The following WDR7 variants were observed in gnomAD, a reference collection of about 807,000 sequenced individuals.
The protein encoded by WDR7 is WD repeat domain 7, also known as WD repeat-containing protein 7.
WDR7 carries 46 observed loss-of-function variants against 169.4 expected under a neutral mutation model. That is an observed-to-expected ratio of 0.27 (90% CI 0.21 to 0.35). The LOEUF (loss-of-function observed/expected upper bound fraction) is 0.35, where lower values mean the gene tolerates loss of function less well. WDR7 is among the 10% of genes least tolerant of loss of function. The pLI is 1.00. For synonymous variants in WDR7, 612 were observed against 666.8 expected (o/e 0.92, Z 1.27); for missense variants, 1,534 against 1,859.3 (o/e 0.83, Z 3.22).
intron 1 of WDR7, among the ~76,000 whole-genome samples, chr18:56,668,612 C>A (rs993994854): frequency 1.3e-5 from 2 of 152,140 alleles, no homozygotes; most frequent in Admixed American, 6.5e-5. Context: ...AAAATGTATA[C>A]TAATTATTAG....
chr18:56,834,413 CT>C (rs2145297587), intron 20 of WDR7, among the ~76,000 whole-genome samples: 1 of 152,240 alleles, frequency 6.6e-6, no homozygotes, highest in African/African-American at 2.4e-5. Flanking sequence ...ACATACACAC[CT>C]ATCCAGTTGT....
At chr18:57,024,865 T>A (rs1180333764) in intron 27 of WDR7, among the ~76,000 whole-genome samples, 1 of 96,508 alleles carries the variant, frequency 1.0e-5, no homozygotes, top group African/African-American at 5.5e-5. Flanking sequence ...GGATTTCACA[T>A]ATCCCTATTC....
At chr18:56,894,653 A>G (rs1253705375) in intron 21 of WDR7, among the ~76,000 whole-genome samples, 1 of 152,048 alleles carries the variant, frequency 6.6e-6, no homozygotes, top group East Asian at 1.9e-4. Context: ...TTACCTATTT[A>G]CAGTAGTTAT....
intron 6 of WDR7, among the ~76,000 whole-genome samples, chr18:56,686,406 A>C (rs1433733313): frequency 6.6e-6 from 1 of 152,136 alleles, no homozygotes; most frequent in Admixed American, 6.6e-5. Flanking sequence ...CATCTATTTC[A>C]GTTCTTTGGG....
intron 26 of WDR7, among the ~76,000 whole-genome samples, chr18:56,992,032 A>G (rs979973616): frequency 6.6e-6 from 1 of 152,242 alleles, no homozygotes; most frequent in Non-Finnish European, 1.5e-5. Flanking sequence ...CTCAGTGTAA[A>G]ATAACCTCAA....
chr18:56,984,586 T>G (rs2047687836), intron 26 of WDR7, among the ~76,000 whole-genome samples: 1 of 152,202 alleles, frequency 6.6e-6, no homozygotes, highest in African/African-American at 2.4e-5. Context: ...TGGTTAAACT[T>G]TGATTTTAAT....
At chr18:56,898,951 G>A (rs2046366292) in intron 21 of WDR7, among the ~76,000 whole-genome samples, 1 of 152,096 alleles carries the variant, frequency 6.6e-6, no homozygotes. Context: ...AAGTTTTCTG[G>A]AAGCCAAAAA....
intron 21 of WDR7, among the ~76,000 whole-genome samples, chr18:56,920,633 A>G (rs557992225): frequency 9.1e-4 from 138 of 152,332 alleles, no homozygotes; most frequent in Admixed American, 3.5e-3. Context: ...GCTCAATGGT[A>G]GCATCATTCC....
chr18:56,799,335 A>C (rs898605728), intron 19 of WDR7, among the ~76,000 whole-genome samples: 1 of 152,188 alleles, frequency 6.6e-6, no homozygotes, highest in African/African-American at 2.4e-5. Context: ...AATATATGTA[A>C]ATAAAAAGGA....
intron 21 of WDR7, among the ~76,000 whole-genome samples, chr18:56,901,888 A>C (rs1253090405): frequency 6.6e-6 from 1 of 152,022 alleles, no homozygotes; most frequent in Non-Finnish European, 1.5e-5. Context: ...GCATTCTGGG[A>C]GTAAAGAAAG....
At chr18:56,974,035 T>C (rs2047529372) in intron 26 of WDR7, among the ~76,000 whole-genome samples, 1 of 152,228 alleles carries the variant, frequency 6.6e-6, no homozygotes, top group Non-Finnish European at 1.5e-5. Context: ...TGGTCCATTG[T>C]TGTAGTTCTG....
chr18:56,746,222 A>G (rs1222438322), intron 14 of WDR7, among the ~76,000 whole-genome samples: 1 of 152,168 alleles, frequency 6.6e-6, no homozygotes, highest in Non-Finnish European at 1.5e-5. Flanking sequence ...TAAAATATCC[A>G]AAGATCTGTT....
chr18:56,686,723 G>A (rs1436603107), intron 6 of WDR7, 132 bp from the exon 7 acceptor site: 10 of 722,874 alleles, frequency 1.4e-5, no homozygotes, highest in East Asian at 2.8e-5. Context: ...CTACCGTGGC[G>A]CTTACCTGAG....
intron 21 of WDR7, among the ~76,000 whole-genome samples, chr18:56,918,799 T>TA (rs1002006313): frequency 1.3e-5 from 2 of 152,236 alleles, no homozygotes; most frequent in Non-Finnish European, 2.9e-5. Flanking sequence ...GCACATATGG[T>TA]ATAAAGTAAT....
intron 20 of WDR7, among the ~76,000 whole-genome samples, chr18:56,831,718 C>T (rs1394917449): frequency 6.6e-6 from 1 of 152,036 alleles, no homozygotes; most frequent in Non-Finnish European, 1.5e-5. Context: ...TCGTCTCACC[C>T]AGGAAACACA....
At position 56,918,442 on chromosome 18, in the gene WDR7, G is replaced by A. The variant is rs546374812; in HGVS notation, c.3527-5480G>A. Among the ~76,000 whole-genome samples the A allele has an allele frequency of 5.9e-5, 9 of 152,116 alleles. No individual in the cohort carries two copies. In the South Asian group the frequency reaches 1.9e-3, roughly 32 times the overall value. ...AATGGCAATGATTTCTAGTCTTTTG[G>A]ATATCATAGACTAGTAAAATTTCTA... On this transcript the variant is annotated intron_variant, in intron 21 of 27. Transcript: ENST00000254442.
chr18:56,872,525 A>T (rs2045967221), intron 20 of WDR7: 1 of 152,216 alleles, frequency 6.6e-6, no homozygotes, highest in African/African-American at 2.4e-5. Context: ...ACACTCTGTC[A>T]AGTAAATTGT....
intron 21 of WDR7, among the ~76,000 whole-genome samples, chr18:56,919,045 T>A (rs145702056): frequency 6.6e-6 from 1 of 152,312 alleles, no homozygotes; most frequent in East Asian, 1.9e-4. Context: ...TGTGCAGTAT[T>A]TGCTATATTA....
intron 20 of WDR7, among the ~76,000 whole-genome samples, chr18:56,816,585 ATGC>A (rs2044974854): frequency 1.3e-5 from 2 of 152,342 alleles, no homozygotes; most frequent in African/African-American, 4.8e-5. Flanking sequence ...GTAGAAGTGA[ATGC>A]TGCTTTTTAA....
Sources: gnomAD v4.1 joint callset for allele counts (sites outside exome capture counted in the v4.1 genomes callset) on GRCh38, gnomAD v4.1.1 for gene constraint, MANE v1.5 for transcripts, NCBI Gene and HGNC (gene_info 2026-07-23, HGNC 2026-07-21) for gene names.